Variants in CMC2 observed in about 807,000 individuals in gnomAD.
CMC2 encodes C-X9-C motif containing 2.
A neutral mutation model predicts 7.5 loss-of-function variants in CMC2; 5 were observed. That is an observed-to-expected ratio of 0.66 (90% CI 0.35 to 1.40). The LOEUF is 1.40. CMC2 is among the 40% of genes most tolerant of loss of function. CMC2 has a pLI of 0.04. For synonymous variants in CMC2, 37 were observed against 31.4 expected, an observed-to-expected ratio of 1.18 and a Z score of -0.60; for missense variants, 115 against 92.3, an observed-to-expected ratio of 1.25 and a Z score of -1.01.
At position 80,966,977 on chromosome 16, in the gene CMC2, T is replaced by A. The variant is rs934717470; in HGVS notation, c.*9116A>T. On this transcript the variant is annotated 3_prime_UTR_variant, in exon 4 of 4. Transcript: ENST00000219400. The stretch of plus-strand genomic sequence containing the variant: ...CCAACAATGTACCTATCAAGTGATC[T>A]ACAGAAAAAGAAAATGTAAATTTTA... 1.1e-4 allele frequency: 16 copies of A among 152,224 alleles called. No homozygotes were observed. The highest frequency in any genetic ancestry group is 3.9e-4 in the African/African-American group (16 of 41,460). The allele number at this position is 152,224 out of a possible 1,614,324, so 9.4% of individuals were successfully genotyped here. A position where few individuals can be genotyped will look rare whatever the true frequency, so the allele number is the denominator to read the frequency against.
chr16:80,982,216 A>T (rs1424009661), intron 2 of CMC2: 1 of 175,426 alleles, frequency 5.7e-6, no homozygotes, highest in Admixed American at 6.3e-5. Flanking sequence ...AAAACATGTA[A>T]ATACTGGCCG....
At chr16:80,993,814 C>A (rs1473764983) in intron 2 of CMC2, among the ~76,000 whole-genome samples, 6 of 151,976 alleles carry the variant, frequency 3.9e-5, no homozygotes, top group Non-Finnish European at 1.5e-5. Flanking sequence ...AACAAAAAAC[C>A]AGTAAACAAG....
intron 2 of CMC2, among the ~76,000 whole-genome samples, chr16:80,991,456 G>A (rs933491778): frequency 3.3e-5 from 5 of 152,068 alleles, no homozygotes; most frequent in Admixed American, 6.5e-5. Context: ...GCAACATGGC[G>A]AAAACCCGTT....
intron 3 of CMC2, among the ~76,000 whole-genome samples, chr16:80,978,640 G>A (rs1966872234): frequency 6.6e-6 from 1 of 151,794 alleles, no homozygotes; most frequent in South Asian, 2.1e-4. Context: ...AGGCCAAGAT[G>A]GGAGAACTCC....
At chr16:80,996,439 G>A (rs182229818) in intron 2 of CMC2, among the ~76,000 whole-genome samples, 40 of 152,172 alleles carry the variant, frequency 2.6e-4, no homozygotes, top group African/African-American at 9.4e-4. Flanking sequence ...AAATCAAAAC[G>A]TTATGTTTTA....
chr16:80,984,403 G>A (rs769075278), intron 2 of CMC2, among the ~76,000 whole-genome samples: 2 of 152,146 alleles, frequency 1.3e-5, no homozygotes, highest in Non-Finnish European at 2.9e-5. Flanking sequence ...TATGCCTCAT[G>A]CTATTTCTTT....
chr16:80,980,719 C>A, intron 3 of CMC2: 1 of 637,990 alleles, frequency 1.6e-6, no homozygotes, highest in Admixed American at 2.4e-5. Context: ...GTGAGACTCT[C>A]ATCTCTACAA....
chr16:80,985,315 G>A (rs1220666916), intron 2 of CMC2, among the ~76,000 whole-genome samples: 1 of 152,138 alleles, frequency 6.6e-6, no homozygotes, highest in Non-Finnish European at 1.5e-5. Flanking sequence ...AGTTTTCCCG[G>A]GGCTACATGA....
At chr16:81,005,404 G>C (rs1204343196) in intron 1 of CMC2, among the ~76,000 whole-genome samples, 1 of 150,694 alleles carries the variant, frequency 6.6e-6, no homozygotes, top group African/African-American at 2.4e-5. Context: ...AAAACAAGAC[G>C]CCGTCTCAAA....
intron 3 of CMC2, among the ~76,000 whole-genome samples, chr16:80,979,437 G>C (rs1193144908): frequency 6.6e-6 from 1 of 151,854 alleles, no homozygotes. Context: ...AATTTCATAT[G>C]AAGATCTAAT....
At chr16:80,980,031 G>A (rs145195378) in intron 3 of CMC2, among the ~76,000 whole-genome samples, 8,888 of 152,204 alleles carry the variant, frequency 0.058, 274 homozygotes, top group Non-Finnish European at 0.073. Flanking sequence ...CGATCCTCCC[G>A]CCTCAGCCTC....
At chr16:81,000,853 CAAAAG>C (rs1436204855) in intron 1 of CMC2, among the ~76,000 whole-genome samples, 2 of 152,096 alleles carry the variant, frequency 1.3e-5, no homozygotes, top group African/African-American at 4.8e-5. Context: ...GGTATATAGC[CAAAAG>C]AAAATAAACC....
In CMC2 at chr16:80,972,470, T is replaced by C. The variant is rs192650385; in HGVS notation, c.*3623A>G. 4 of 152,318 alleles carry C rather than the reference T, an allele frequency of 2.6e-5. No homozygotes were observed. The highest frequency in any genetic ancestry group is 3.9e-4 in the East Asian group (2 of 5,186). The allele number at this position is 152,318 out of a possible 1,614,324, so 9.4% of individuals were successfully genotyped here. A position where few individuals can be genotyped will look rare whatever the true frequency, so the allele number is the denominator to read the frequency against. ...CCAAGCCCTTTCTATAGAAAACTAA[T>C]TGTGCTTTGAGCTAAAAACTCCATG... On this transcript the variant is annotated 3_prime_UTR_variant, in exon 4 of 4. Coordinates refer to ENST00000219400, the MANE Select transcript of CMC2 (RefSeq NM_020188.5).
intron 2 of CMC2, 84 bp from the exon 3 acceptor site, chr16:80,981,961 C>A (rs1475819211): frequency 2.7e-6 from 2 of 729,228 alleles, no homozygotes. Flanking sequence ...CTGCCACAGA[C>A]ATGAGTTTAC....
At chr16:80,990,604 T>C (rs887616417) in intron 2 of CMC2, among the ~76,000 whole-genome samples, 1 of 152,246 alleles carries the variant, frequency 6.6e-6, no homozygotes, top group Non-Finnish European at 1.5e-5. Context: ...AAATATGTTT[T>C]GCTATCTTCT....
intron 2 of CMC2, among the ~76,000 whole-genome samples, chr16:80,995,085 G>C (rs562673047): frequency 6.6e-6 from 1 of 152,178 alleles, no homozygotes; most frequent in Non-Finnish European, 1.5e-5. Flanking sequence ...GGCAGAGGTT[G>C]CAGTGAGCCA....
chr16:80,970,538 A>C lies in CMC2; in HGVS notation c.*5555T>G, dbSNP rs1567498423. ...GTAAGGATTTAACATCAGTCACAAG[A>C]GAAGTCTGATGTATCTATTAAACAT... On this transcript the variant is annotated 3_prime_UTR_variant, in exon 4 of 4. Coordinates refer to ENST00000219400, the MANE Select transcript of CMC2 (RefSeq NM_020188.5). 6.6e-6 allele frequency: 1 copy of C among 152,258 alleles called. No homozygotes were observed. The highest frequency in any genetic ancestry group is 1.9e-4 in the East Asian group (1 of 5,208). 9.4% of individuals were successfully genotyped at this position (152,258 alleles called of 1,614,324 possible). A position where few individuals can be genotyped will look rare whatever the true frequency, so the allele number is the denominator to read the frequency against.
intron 3 of CMC2, chr16:80,980,674 G>A: frequency 3.9e-6 from 2 of 518,682 alleles, no homozygotes; most frequent in East Asian, 3.3e-5. Context: ...AGGACTGCTT[G>A]AGGTTAGCAG....
At chr16:80,995,629 G>T (rs560439865) in intron 2 of CMC2, among the ~76,000 whole-genome samples, 1 of 152,204 alleles carries the variant, frequency 6.6e-6, no homozygotes, top group South Asian at 2.1e-4. Flanking sequence ...TACACTCTAG[G>T]TTGGGTGACA....
Sources: gnomAD v4.1 joint callset for allele counts (sites outside exome capture counted in the v4.1 genomes callset) on GRCh38, gnomAD v4.1.1 for gene constraint, MANE v1.5 for transcripts, NCBI Gene and HGNC (gene_info 2026-07-23, HGNC 2026-07-21) for gene names.